OXR1: variants seen among roughly 807,000 people sequenced by gnomAD.
OXR1 encodes oxidation resistance protein 1.
Under a neutral mutation model 104.6 loss-of-function variants are expected in OXR1, and 41 were observed. The ratio of observed to expected loss-of-function variants is 0.39; its 90% CI spans 0.31 to 0.51. OXR1 has a LOEUF of 0.51. Ranked by LOEUF, OXR1 falls within the 20% of genes least tolerant of loss-of-function variation. The pLI is 0.77. For synonymous variants in OXR1, 348 were observed against 348.4 expected, an observed-to-expected ratio of 1.00 and a Z score of 0.01; for missense variants, 955 against 1,031.9, an observed-to-expected ratio of 0.93 and a Z score of 1.02.
At chr8:106,343,337 C>A (rs973840318) in intron 1 of OXR1, among the ~76,000 whole-genome samples, 1 of 152,152 alleles carries the variant, frequency 6.6e-6, no homozygotes, top group African/African-American at 2.4e-5. Context: ...AGGACCATGT[C>A]CAGATCGCTT....
chr8:106,349,162 A>C (rs558510678), intron 1 of OXR1, among the ~76,000 whole-genome samples: 1 of 152,180 alleles, frequency 6.6e-6, no homozygotes, highest in Admixed American at 6.5e-5. Context: ...AAGAATTTAA[A>C]AAAATTAGGG....
intron 3 of OXR1, among the ~76,000 whole-genome samples, chr8:106,650,195 G>A (rs147689477): frequency 1.3e-5 from 2 of 152,284 alleles, no homozygotes; most frequent in African/African-American, 4.8e-5. Flanking sequence ...AGGCACTCTT[G>A]TAGGCATATT....
At chr8:106,717,757 T>C (rs1272709552) in intron 11 of OXR1, among the ~76,000 whole-genome samples, 2 of 152,220 alleles carry the variant, frequency 1.3e-5, no homozygotes, top group Non-Finnish European at 2.9e-5. Context: ...AATTAAGGTA[T>C]AAAGCTTCTA....
At chr8:106,516,388 A>G (rs1044218376) in intron 2 of OXR1, among the ~76,000 whole-genome samples, 2 of 152,184 alleles carry the variant, frequency 1.3e-5, no homozygotes, top group Non-Finnish European at 2.9e-5. Context: ...CTCCATAAGA[A>G]TAAGGGCTCT....
chr8:106,536,543 C>G (rs1344723040), intron 3 of OXR1, among the ~76,000 whole-genome samples: 1 of 152,132 alleles, frequency 6.6e-6, no homozygotes, highest in Non-Finnish European at 1.5e-5. Context: ...TGAACATAGT[C>G]AGATGTAACT....
At chr8:106,379,537 C>CTTTTTTTTTTTTT (rs60855438) in intron 2 of OXR1, among the ~76,000 whole-genome samples, 3 of 108,400 alleles carry the variant, frequency 2.8e-5, no homozygotes, top group African/African-American at 3.7e-5. Flanking sequence ...TTCTTTCTTT[C>CTTTTTTTTTTTTT]TTTTTTTTTT....
intron 3 of OXR1, among the ~76,000 whole-genome samples, chr8:106,626,122 AC>A (rs1162112970): frequency 2.0e-5 from 3 of 151,802 alleles, no homozygotes; most frequent in African/African-American, 7.2e-5. Context: ...AGTTGAAAAA[AC>A]AATCTAGATA....
intron 3 of OXR1, among the ~76,000 whole-genome samples, chr8:106,563,822 A>G (rs1362159051): frequency 1.3e-5 from 2 of 152,142 alleles, no homozygotes; most frequent in Admixed American, 1.3e-4. Context: ...ATTAGAACTC[A>G]GATTAGGAAA....
rs767361001 is a variant in OXR1 at position 106,400,994 on chromosome 8, C to T, written c.23+41358C>T. On this transcript the variant is annotated intron_variant, in intron 2 of 16. Transcript: ENST00000517566. Reference sequence around the variant, plus strand: ...GTTGAAGAAAATGGAGAATTAAAGACAAATGAAAAGTAAAACATTTCCAAA... The same window carrying T: ...GTTGAAGAAAATGGAGAATTAAAGATAAATGAAAAGTAAAACATTTCCAAA... 6.6e-5 allele frequency among the ~76,000 whole-genome samples: 10 copies of T among 152,122 alleles called. 1 individual carries two copies. The highest frequency in any genetic ancestry group is 6.2e-4 in the South Asian group (3 of 4,830).
Position 106,739,516 on chromosome 8 carries a change from A to T in OXR1, c.2096A>T (p.Glu699Val). 2 of 1,612,798 alleles carry T rather than the reference A, an allele frequency of 1.2e-6. No homozygotes were observed. Among genetic ancestry groups the T allele is most frequent in the Non-Finnish European group, 1.7e-6 (2 of 1,178,958 alleles). ...KQVATVKADL[E>V]SESFRPNLSD... ...GTTGCTACAGTGAAAGCAGACCTGG[A>T]GTCTGAATCTTTTCGACCAAACCTA... The change falls in exon 13 of 17, where the codon GAG becomes GTG. Residue 699 changes from glutamate to valine, a missense_variant. Transcript: ENST00000517566.
intron 1 of OXR1, among the ~76,000 whole-genome samples, chr8:106,337,961 C>T (rs1323126258): frequency 2.6e-5 from 4 of 152,156 alleles, no homozygotes; most frequent in African/African-American, 9.7e-5. Flanking sequence ...AAATACTGAA[C>T]TCTTTTGTGG....
chr8:106,531,260 C>T (rs887600555), intron 3 of OXR1, among the ~76,000 whole-genome samples: 4 of 152,114 alleles, frequency 2.6e-5, no homozygotes, highest in Non-Finnish European at 4.4e-5. Flanking sequence ...ACTCTTTTAA[C>T]TAATGTAACA....
At chr8:106,551,860 ATGTGTGTGTGTG>A (rs71307068) in intron 3 of OXR1, among the ~76,000 whole-genome samples, 80 of 126,576 alleles carry the variant, frequency 6.3e-4, no homozygotes, top group Middle Eastern at 7.9e-3. Flanking sequence ...GTGTATATAT[ATGTGTGTGTGTG>A]TGTGTGTGTG....
intron 2 of OXR1, among the ~76,000 whole-genome samples, chr8:106,465,710 T>G (rs1271470466): frequency 6.6e-6 from 1 of 151,992 alleles, no homozygotes; most frequent in Admixed American, 6.6e-5. Flanking sequence ...TTGTTTTCAG[T>G]AACTAGAAGA....
At chr8:106,402,970 A>G (rs996013402) in intron 2 of OXR1, among the ~76,000 whole-genome samples, 5 of 152,022 alleles carry the variant, frequency 3.3e-5, no homozygotes, top group Non-Finnish European at 7.4e-5. Flanking sequence ...ACAGGCGTCC[A>G]CCACCACGCC....
intron 2 of OXR1, among the ~76,000 whole-genome samples, chr8:106,497,882 A>C (rs561938854): frequency 6.6e-6 from 1 of 152,156 alleles, no homozygotes; most frequent in African/African-American, 2.4e-5. Flanking sequence ...TCTCACTATG[A>C]AATATGGACA....
At position 106,332,379 on chromosome 8, in the gene OXR1, C is replaced by A. The variant is rs530439330; in HGVS notation, c.-138-27097C>A. Among the ~76,000 whole-genome samples the A allele has an allele frequency of 1.4e-4, 21 of 152,182 alleles. No individual in the cohort carries two copies. In the South Asian group the frequency reaches 4.1e-3, roughly 30 times the overall value. The stretch of plus-strand genomic sequence containing the variant: ...TTTAAGAAACTTAAAATGCTTATTA[C>A]AAATTATTAATGCTTAGGAATTTGA... On this transcript the variant is annotated intron_variant, in intron 1 of 16. Transcript: ENST00000517566.
At chr8:106,503,842 G>A (rs1357630985) in intron 2 of OXR1, among the ~76,000 whole-genome samples, 1 of 152,148 alleles carries the variant, frequency 6.6e-6, no homozygotes, top group Non-Finnish European at 1.5e-5. Flanking sequence ...CCTGGGGGAG[G>A]GAGGTAATGC....
intron 2 of OXR1, among the ~76,000 whole-genome samples, chr8:106,374,141 C>A (rs1816817257): frequency 6.6e-6 from 1 of 152,178 alleles, no homozygotes; most frequent in African/African-American, 2.4e-5. Context: ...ACAAATATTA[C>A]AGCCTACTGG....
Sources: allele counts gnomAD v4.1 joint callset (sites outside exome capture counted in the v4.1 genomes callset), GRCh38; gene constraint gnomAD v4.1.1; transcripts MANE v1.5; gene names NCBI Gene and HGNC (gene_info 2026-07-23, HGNC 2026-07-21).